The following HCK variants were observed in gnomAD, a reference collection of about 807,000 sequenced individuals.
The protein encoded by HCK is tyrosine-protein kinase HCK.
A neutral mutation model predicts 70.4 loss-of-function variants in HCK; 40 were observed. The observed-to-expected ratio is 0.57, with a 90% CI of 0.44 to 0.74. The LOEUF (loss-of-function observed/expected upper bound fraction) is 0.74, where lower values mean the gene tolerates loss of function less well. HCK is among the 30% of genes least tolerant of loss of function. The pLI is 0.00. For missense variants in HCK, 568 were observed against 697.2 expected, an observed-to-expected ratio of 0.81 and a Z score of 2.09; for synonymous variants, 245 against 263.2, an observed-to-expected ratio of 0.93 and a Z score of 0.67.
Position 32,094,799 on chromosome 20 carries a change from A to AAG in HCK, c.1246+785_1246+786dup, listed in dbSNP as rs1569010646. Among the ~76,000 whole-genome samples the AAG allele has an allele frequency of 1.1e-3, 42 of 36,572 alleles. 1 individual carries two copies. Among genetic ancestry groups the AAG allele is most frequent in the Admixed American group, 2.6e-3 (8 of 3,110 alleles). 24.0% of individuals were successfully genotyped at this position (36,572 alleles called of 152,430 possible). On this transcript the variant is annotated intron_variant, in intron 11 of 12. Transcript: ENST00000375852. ...AAAGAGAGAGAAAGAGAAAGAAAGA[A>AAG]AGAAAGAAAGAAAGAAAGAAAGAAA... is the stretch of plus-strand genomic sequence containing the variant.
At chr20:32,064,170 AT>A (rs2045422996) in intron 1 of HCK, among the ~76,000 whole-genome samples, 2 of 151,784 alleles carry the variant, frequency 1.3e-5, no homozygotes, top group South Asian at 2.1e-4. Flanking sequence ...AGCCCGGCTA[AT>A]TTTTTGTATT....
intron 1 of HCK, among the ~76,000 whole-genome samples, chr20:32,064,883 C>T (rs1003270698): frequency 1.3e-5 from 2 of 152,244 alleles, no homozygotes; most frequent in African/African-American, 4.8e-5. Context: ...CCAGGGACGG[C>T]AGTGGCCCGA....
At chr20:32,059,804 C>G (rs1418404622) in intron 1 of HCK, among the ~76,000 whole-genome samples, 1 of 152,140 alleles carries the variant, frequency 6.6e-6, no homozygotes, top group Admixed American at 6.5e-5. Flanking sequence ...ATGTGAGCCA[C>G]CATACCTGGC....
Position 32,071,613 on chromosome 20 carries a change from G to T in HCK, c.63-49G>T, listed in dbSNP as rs199878298. 2.9e-5 allele frequency: 46 copies of T among 1,600,486 alleles called. No individual in the cohort carries two copies. The African/African-American group carries it at 5.9e-4, about 20-fold the overall frequency. ...AATGCCAGCATCAGAAGACTTCCCC[G>T]CATGAGGCTCTTGGTAACTGGGGCT... On this transcript the variant is annotated intron_variant, in intron 1 of 12. Coordinates refer to ENST00000375852, the MANE Select transcript of HCK (RefSeq NM_002110.5).
chr20:32,070,580 G>C (rs1030311768), intron 1 of HCK, among the ~76,000 whole-genome samples: 20 of 152,082 alleles, frequency 1.3e-4, no homozygotes, highest in African/African-American at 4.8e-4. Context: ...CCCTTTCTCT[G>C]ACAGGCCTTC....
At chr20:32,086,050 C>T (rs1020629545) in intron 8 of HCK, among the ~76,000 whole-genome samples, 51 of 152,130 alleles carry the variant, frequency 3.4e-4, no homozygotes, top group Non-Finnish European at 7.1e-4. Flanking sequence ...GACAGAGTCT[C>T]GCTCTGTCAC....
At chr20:32,069,848 A>G in intron 1 of HCK, 2 of 872,640 alleles carry the variant, frequency 2.3e-6, no homozygotes, top group Admixed American at 3.3e-5. Flanking sequence ...CCACAAATAC[A>G]TGTTTATTTT....
chr20:32,101,468 G>GC lies in HCK; in HGVS notation c.1531dup (p.Leu511ProfsTer3). ...CGACCTTCGAATACATCCAGAGTGT[G>GC]CTGGATGACTTCTACACGGCCACAG... On this transcript the variant is annotated frameshift_variant, in exon 13 of 13. Transcript: ENST00000375852. LOFTEE classifies it high-confidence loss of function. The GC allele has an allele frequency of 6.2e-7, 1 of 1,614,000 alleles. No homozygotes were observed. Among genetic ancestry groups the GC allele is most frequent in the Non-Finnish European group, 8.5e-7 (1 of 1,179,950 alleles).
chr20:32,095,358 C>A (rs536947832), intron 11 of HCK, among the ~76,000 whole-genome samples: 73 of 152,094 alleles, frequency 4.8e-4, no homozygotes, highest in African/African-American at 1.7e-3. Context: ...CAGGTTCAAG[C>A]GATTCTTGTG....
intron 1 of HCK, among the ~76,000 whole-genome samples, chr20:32,061,224 C>T (rs774557287): frequency 1.5e-4 from 23 of 152,192 alleles, no homozygotes; most frequent in Non-Finnish European, 2.9e-4. Flanking sequence ...CCTTGTGATT[C>T]GCCCGCCTTG....
At chr20:32,062,287 G>A (rs931676426) in intron 1 of HCK, among the ~76,000 whole-genome samples, 4 of 152,106 alleles carry the variant, frequency 2.6e-5, no homozygotes, top group African/African-American at 9.7e-5. Context: ...GCAGAATGCA[G>A]ATTCAAACCC....
chr20:32,074,783 C>A, intron 5 of HCK, 62 bp downstream of exon 5: 1 of 1,133,678 alleles, frequency 8.8e-7, no homozygotes, highest in Non-Finnish European at 1.3e-6. Flanking sequence ...TTGTTTGCAA[C>A]TCAGGACGTC....
chr20:32,066,626 T>A (rs193083838), intron 1 of HCK, among the ~76,000 whole-genome samples: 150 of 152,250 alleles, frequency 9.9e-4, no homozygotes, highest in African/African-American at 3.3e-3. Context: ...GTGACCTTTT[T>A]ATGAGGAGCC....
Position 32,083,959 on chromosome 20 carries a change from A to C in HCK, c.598A>C (p.Ile200Leu). Residue 200 changes from isoleucine to leucine, a missense_variant, in exon 7 of 13, where the codon ATC (isoleucine) becomes CTC (leucine). Ile to Leu is a conservative substitution (Grantham distance 5). Transcript: ENST00000375852. ...GGGAGATACCGTGAAACATTACAAGATCCGGACCCTGGACAACGGGGGCTT... is the reference window on the plus strand; with the variant it reads ...GGGAGATACCGTGAAACATTACAAGCTCCGGACCCTGGACAACGGGGGCTT... The C allele has an allele frequency of 6.2e-6, 10 of 1,614,194 alleles. No individual in the cohort carries two copies. Among genetic ancestry groups the C allele is most frequent in the Non-Finnish European group, 8.5e-6 (10 of 1,180,042 alleles).
intron 8 of HCK, among the ~76,000 whole-genome samples, chr20:32,086,357 C>T (rs2045786477): frequency 6.6e-6 from 1 of 152,196 alleles, no homozygotes; most frequent in Admixed American, 6.5e-5. Flanking sequence ...GCAAAGCTTA[C>T]CATTTCCACT....
chr20:32,087,853 A>G (rs2045811798), intron 9 of HCK, among the ~76,000 whole-genome samples: 1 of 152,068 alleles, frequency 6.6e-6, no homozygotes. Flanking sequence ...CGTGTTAGCC[A>G]GGATGGTCTC....
intron 8 of HCK, among the ~76,000 whole-genome samples, chr20:32,085,906 G>A (rs939922407): frequency 1.3e-5 from 2 of 152,218 alleles, no homozygotes; most frequent in Admixed American, 1.3e-4. Flanking sequence ...GGGCCTGGGG[G>A]TCATAGTAAG....
intron 1 of HCK, among the ~76,000 whole-genome samples, chr20:32,053,772 T>A (rs62207270): frequency 0.033 from 4,968 of 151,630 alleles, 144 homozygotes; most frequent in South Asian, 0.12. Context: ...TTAGCCTACA[T>A]CAGCATCACC....
chr20:32,096,403 A>G (rs950733042), intron 11 of HCK, among the ~76,000 whole-genome samples: 1 of 150,708 alleles, frequency 6.6e-6, no homozygotes, highest in African/African-American at 2.4e-5. Flanking sequence ...AGGCTGAGGC[A>G]GGAGAATCAT....
Sources: gnomAD v4.1 joint callset for allele counts (sites outside exome capture counted in the v4.1 genomes callset) on GRCh38, gnomAD v4.1.1 for gene constraint, MANE v1.5 for transcripts, NCBI Gene and HGNC (gene_info 2026-07-23, HGNC 2026-07-21) for gene names.